Variants in RASGRF2 observed in about 807,000 individuals in gnomAD.
The protein encoded by RASGRF2 is ras-specific guanine nucleotide-releasing factor 2.
A neutral mutation model predicts 151.0 loss-of-function variants in RASGRF2; 76 were observed. The observed-to-expected ratio is 0.50, with a 90% CI of 0.42 to 0.61. The LOEUF (loss-of-function observed/expected upper bound fraction) is 0.61. Ranked by LOEUF, RASGRF2 falls within the 20% of genes least tolerant of loss-of-function variation. The probability of loss-of-function intolerance (pLI) is 0.00; values close to 1 mark genes in which losing one functional copy is unlikely to be tolerated. For missense variants in RASGRF2, 1,148 were observed against 1,564.6 expected, an observed-to-expected ratio of 0.73 and a Z score of 4.49; for synonymous variants, 504 against 566.5, an observed-to-expected ratio of 0.89 and a Z score of 1.57.
chr5:81,127,007 T>G, intron 16 of RASGRF2, 67 bp from the exon 17 acceptor site: 1 of 1,538,068 alleles, frequency 6.5e-7, no homozygotes, highest in Non-Finnish European at 9.0e-7. Flanking sequence ...AGAAAAATGA[T>G]GATTTTTGTT....
At chr5:81,225,519 T>C (rs2112759146) in intron 26 of RASGRF2, among the ~76,000 whole-genome samples, 159 bp from the exon 27 acceptor site, 1 of 152,162 alleles carries the variant, frequency 6.6e-6, no homozygotes, top group African/African-American at 2.4e-5. Context: ...TCACCTTTTT[T>C]TTTTTTTTTT....
chr5:81,031,766 A>C (rs1307801672), intron 1 of RASGRF2, among the ~76,000 whole-genome samples: 1 of 152,220 alleles, frequency 6.6e-6, no homozygotes, highest in Admixed American at 6.5e-5. Flanking sequence ...AAACACATTG[A>C]AAAGCCAGCA....
intron 1 of RASGRF2, among the ~76,000 whole-genome samples, chr5:81,037,725 T>A (rs1244368524): frequency 3.9e-5 from 6 of 152,232 alleles, no homozygotes; most frequent in Non-Finnish European, 8.8e-5. Flanking sequence ...GTGAAGTCTT[T>A]ATTGTGCTCT....
At chr5:81,206,182 T>C (rs1755502986) in intron 19 of RASGRF2, among the ~76,000 whole-genome samples, 2 of 152,210 alleles carry the variant, frequency 1.3e-5, no homozygotes, top group Admixed American at 6.5e-5. Context: ...AACTTGTGTT[T>C]ATTCATTCAC....
rs555615925 is a variant in RASGRF2, at chr5:81,095,332, T to G, written c.1755+340T>G. On this transcript the variant is annotated intron_variant, in intron 12 of 26. Transcript: ENST00000265080. ...GACTCCACTCCATATTTTGCTTATT[T>G]GTTTCTGAAGCAGAATAATGGTGAA... 2.0e-4 allele frequency among the ~76,000 whole-genome samples: 30 copies of G among 152,320 alleles called. No homozygotes were observed. In the South Asian group the frequency reaches 5.2e-3, roughly 26 times the overall value.
Position 81,201,366 on chromosome 5 carries a change from C to G in RASGRF2, c.2830C>G (p.Leu944Val). The G allele has an allele frequency of 1.2e-6, 2 of 1,613,280 alleles. No homozygotes were observed. The highest frequency in any genetic ancestry group is 1.7e-6 in the Non-Finnish European group (2 of 1,179,750). ...CAACAATGAACTAAAGATGAATGTCCTAAATTTGCTAGAAGAAGTTTTGCG... is the reference window on the plus strand; with the variant it reads ...CAACAATGAACTAAAGATGAATGTCGTAAATTTGCTAGAAGAAGTTTTGCG... Reference protein sequence around the residue: ...ELNNELKMNVLNLLEEVLRDP... With the variant: ...ELNNELKMNVVNLLEEVLRDP... The change falls in exon 19 of 27, where the codon CTA becomes GTA. Residue 944 changes from leucine (L) to valine (V), a missense_variant. This residue lies in a region of RASGRF2 where 646 missense variants were observed against 807.4 expected (regional missense o/e 0.80). Coordinates refer to ENST00000265080, the MANE Select transcript of RASGRF2 (RefSeq NM_006909.3).
chr5:81,191,992 T>A (rs571775282), intron 18 of RASGRF2, among the ~76,000 whole-genome samples: 1 of 152,338 alleles, frequency 6.6e-6, no homozygotes, highest in African/African-American at 2.4e-5. Flanking sequence ...CGCTGTGCCT[T>A]CTCCCCGTAG....
intron 1 of RASGRF2, among the ~76,000 whole-genome samples, chr5:81,014,948 C>T (rs1561554938): frequency 6.6e-6 from 1 of 152,042 alleles, no homozygotes; most frequent in Non-Finnish European, 1.5e-5. Context: ...GAGACAGGGT[C>T]ACATTCTGTT....
At chr5:81,185,387 C>G (rs1755004603) in intron 18 of RASGRF2, among the ~76,000 whole-genome samples, 3 of 152,128 alleles carry the variant, frequency 2.0e-5, no homozygotes, top group African/African-American at 7.2e-5. Context: ...CATGGGGAGT[C>G]CAATCTGGAT....
At chr5:81,003,069 G>T (rs1379968067) in intron 1 of RASGRF2, among the ~76,000 whole-genome samples, 8 of 104,542 alleles carry the variant, frequency 7.7e-5, no homozygotes, top group Non-Finnish European at 1.5e-4. Flanking sequence ...TATTTTTTTT[G>T]AGAGAGAGAG....
At chr5:80,999,445 C>T (rs143085916) in intron 1 of RASGRF2, among the ~76,000 whole-genome samples, 96 of 152,232 alleles carry the variant, frequency 6.3e-4, no homozygotes, top group African/African-American at 2.1e-3. Flanking sequence ...TGGGCTCAGG[C>T]GATCCTTCCA....
chr5:81,143,687 T>G (rs989642483), intron 17 of RASGRF2, among the ~76,000 whole-genome samples: 4 of 151,544 alleles, frequency 2.6e-5, no homozygotes, highest in African/African-American at 4.8e-5. Context: ...GTCAGGAGTT[T>G]GAGACCAGCC....
chr5:81,211,146 GAAAA>G (rs34983763), intron 22 of RASGRF2, among the ~76,000 whole-genome samples: 9 of 126,432 alleles, frequency 7.1e-5, no homozygotes, highest in South Asian at 5.6e-4. Context: ...CCTGTCTCCA[GAAAA>G]AAAAAAAAAA....
intron 15 of RASGRF2, among the ~76,000 whole-genome samples, chr5:81,116,412 G>A (rs1753158694): frequency 6.6e-6 from 1 of 152,128 alleles, no homozygotes; most frequent in African/African-American, 2.4e-5. Flanking sequence ...AGTATCACAA[G>A]CATCACTGCT....
At position 81,087,536 on chromosome 5, in the gene RASGRF2, A is replaced by G. The variant is rs1003733545; in HGVS notation, c.1390+583A>G. 7.8e-5 allele frequency: 46 copies of G among 587,344 alleles called. No homozygotes were observed. The African/African-American group carries it at 8.2e-4, about 10-fold the overall frequency. 36.4% of individuals were successfully genotyped at this position (587,344 alleles called of 1,614,324 possible). A position where few individuals can be genotyped will look rare whatever the true frequency, so the allele number is the denominator to read the frequency against. ...TGTTTGCGAAGTGTGCTTTGGGGGC[A>G]TCACTCGATAAATTAAGCTTTTGAA... On this transcript the variant is annotated intron_variant, in intron 9 of 26. Transcript: ENST00000265080.
intron 15 of RASGRF2, among the ~76,000 whole-genome samples, chr5:81,117,090 C>T (rs1378935113): frequency 6.6e-6 from 1 of 152,168 alleles, no homozygotes; most frequent in Non-Finnish European, 1.5e-5. Flanking sequence ...CACCAACTTC[C>T]CTAGTTTTAG....
chr5:81,190,416 C>T (rs114711606), intron 18 of RASGRF2, among the ~76,000 whole-genome samples: 1 of 152,172 alleles, frequency 6.6e-6, no homozygotes, highest in African/African-American at 2.4e-5. Flanking sequence ...AGGAGAGAAA[C>T]CTGGAAACTT....
chr5:81,125,148 A>G (rs971979373), intron 16 of RASGRF2, among the ~76,000 whole-genome samples: 2 of 152,142 alleles, frequency 1.3e-5, no homozygotes, highest in Non-Finnish European at 2.9e-5. Context: ...CAGCCTCTCA[A>G]AGTGTTGAGA....
chr5:81,073,098 G>T (rs768849536), intron 4 of RASGRF2, 101 bp from the exon 5 acceptor site: 51 of 1,394,806 alleles, frequency 3.7e-5, no homozygotes, highest in Non-Finnish European at 4.7e-5. Context: ...AGGTTATCAT[G>T]TTTTCTGCAA....
Sources: gnomAD v4.1 joint callset for allele counts (sites outside exome capture counted in the v4.1 genomes callset) on GRCh38, gnomAD v4.1.1 for gene constraint, gnomAD v4.1.1 regional missense constraint, MANE v1.5 for transcripts, NCBI Gene and HGNC (gene_info 2026-07-23, HGNC 2026-07-21) for gene names.